Variants in MYOCD observed in about 807,000 individuals in gnomAD.
MYOCD encodes the protein myocardin.
Under a neutral mutation model 96.1 loss-of-function variants are expected in MYOCD, and 32 were observed. The ratio of observed to expected loss-of-function variants is 0.33; its 90% confidence interval spans 0.25 to 0.45. MYOCD has a LOEUF of 0.45. Ranked by LOEUF, MYOCD falls within the 20% of genes least tolerant of loss-of-function variation. The pLI is 1.00. For missense variants in MYOCD, 1,133 were observed against 1,200.6 expected (o/e 0.94, Z 0.83); for synonymous variants, 469 against 469.0 (o/e 1.00, Z 0.00).
At chr17:12,738,012 G>A (rs1453892350) in intron 6 of MYOCD, among the ~76,000 whole-genome samples, 2 of 152,110 alleles carry the variant, frequency 1.3e-5, no homozygotes, top group Non-Finnish European at 2.9e-5. Context: ...AACATCAAAC[G>A]GTGTATCAGA....
intron 9 of MYOCD, among the ~76,000 whole-genome samples, chr17:12,750,773 A>G (rs538313002): frequency 2.0e-5 from 3 of 152,318 alleles, no homozygotes; most frequent in South Asian, 4.1e-4. Flanking sequence ...ATACAAATAG[A>G]TATATATTCA....
Position 12,722,970 on chromosome 17 carries a change from T to G in MYOCD, c.377T>G (p.Ile126Ser). 3.7e-6 allele frequency: 6 copies of G among 1,614,010 alleles called. No individual in the cohort carries two copies. Among genetic ancestry groups the G allele is most frequent in the Non-Finnish European group, 5.1e-6 (6 of 1,179,978 alleles). ...CCACTGGAGCTGGTGGAAAAAAACA[T>G]TCTTCCTGTGGATTCTGCTGTGAAA... ...PGPLELVEKN[I>S]LPVDSAVKEA... The change falls in exon 5 of 14, where the codon ATT becomes AGT. Residue 126 changes from isoleucine to serine, a missense_variant. By Grantham distance (142) the Ile-to-Ser change is moderately radical. Coordinates refer to ENST00000425538, the MANE Select transcript of MYOCD (RefSeq NM_001146312.3).
intron 9 of MYOCD, among the ~76,000 whole-genome samples, chr17:12,749,676 CACAT>C (rs1231493728): frequency 4.1e-5 from 1 of 24,534 alleles, no homozygotes; most frequent in Non-Finnish European, 1.0e-4. Context: ...TATGTATATA[CACAT>C]ACATATGTGT....
At chr17:12,707,945 C>G (rs1036959740) in intron 2 of MYOCD, among the ~76,000 whole-genome samples, 15 of 147,982 alleles carry the variant, frequency 1.0e-4, no homozygotes, top group Admixed American at 2.7e-4. Flanking sequence ...ACGTCTTATG[C>G]ACTATATATA....
rs142777340 is a variant in MYOCD, at chr17:12,754,338, G to A, written c.2058+992G>A. Among the ~76,000 whole-genome samples the A allele has an allele frequency of 2.5e-3, 374 of 152,268 alleles. 1 individual carries two copies. The highest frequency in any genetic ancestry group is 4.4e-3 in the Non-Finnish European group (296 of 68,022). ...AGGCTGGTCTCTAACTCCTGACCTC[G>A]TGATCCGCCCGCCTTGGCCTCCCAA... On this transcript the variant is annotated intron_variant, in intron 10 of 13. Transcript: ENST00000425538.
At chr17:12,726,766 G>A (rs2032011950) in intron 5 of MYOCD, among the ~76,000 whole-genome samples, 1 of 152,026 alleles carries the variant, frequency 6.6e-6, no homozygotes, top group Admixed American at 6.6e-5. Context: ...ATTTTTTCAT[G>A]TTCTGGAAGC....
At chr17:12,736,414 T>C (rs986408533) in intron 6 of MYOCD, 78 bp downstream of exon 6, 46 of 1,436,044 alleles carry the variant, frequency 3.2e-5, no homozygotes, top group Non-Finnish European at 3.8e-5. Flanking sequence ...ACATCAACAC[T>C]GTTAACAGCT....
chr17:12,754,436 C>T (rs150553032), intron 10 of MYOCD, among the ~76,000 whole-genome samples: 5 of 152,262 alleles, frequency 3.3e-5, no homozygotes, highest in African/African-American at 9.6e-5. Context: ...GAGCCAGGGA[C>T]GTTTAGCAAA....
Position 12,693,323 on chromosome 17 carries a change from C to A in MYOCD, c.56-11805C>A, listed in dbSNP as rs1294505413. ...AAAACAAACAAACAAACAAAAAAAA[C>A]CATAGACCAGTCACGGTGTCTCACG... On this transcript the variant is annotated intron_variant, in intron 1 of 13. Coordinates refer to ENST00000425538, the MANE Select transcript of MYOCD (RefSeq NM_001146312.3). Among the ~76,000 whole-genome samples the A allele has an allele frequency of 4.0e-5, 6 of 151,822 alleles. No individual in the cohort carries two copies. The East Asian group carries it at 7.7e-4, about 20-fold the overall frequency.
intron 1 of MYOCD, among the ~76,000 whole-genome samples, chr17:12,698,295 G>A (rs1011270382): frequency 5.3e-5 from 8 of 152,068 alleles, no homozygotes; most frequent in African/African-American, 7.2e-5. Context: ...AGAGACTTCC[G>A]AAAATCTGAT....
intron 1 of MYOCD, among the ~76,000 whole-genome samples, chr17:12,688,435 TTTCC>T (rs1477211451): frequency 3.9e-5 from 6 of 152,110 alleles, no homozygotes; most frequent in Non-Finnish European, 8.8e-5. Context: ...TTTTCCTTCC[TTTCC>T]TTCCTTCCAT....
chr17:12,671,113 C>T (rs900175416), intron 1 of MYOCD, among the ~76,000 whole-genome samples: 3 of 152,160 alleles, frequency 2.0e-5, no homozygotes, highest in African/African-American at 7.2e-5. Flanking sequence ...TCCATAACGG[C>T]AGAAATTATT....
chr17:12,687,295 A>G (rs1305725797), intron 1 of MYOCD, among the ~76,000 whole-genome samples: 2 of 152,176 alleles, frequency 1.3e-5, no homozygotes, highest in African/African-American at 4.8e-5. Flanking sequence ...TGGAGCCCAG[A>G]GAGATGAATT....
intron 9 of MYOCD, among the ~76,000 whole-genome samples, chr17:12,749,370 A>G (rs2032760659): frequency 6.6e-6 from 1 of 151,936 alleles, no homozygotes; most frequent in South Asian, 2.1e-4. Flanking sequence ...TCTACTAAAA[A>G]TACAAAAAAT....
intron 1 of MYOCD, among the ~76,000 whole-genome samples, chr17:12,688,336 G>A (rs1461994912): frequency 6.6e-6 from 1 of 152,192 alleles, no homozygotes; most frequent in Non-Finnish European, 1.5e-5. Flanking sequence ...ACTATTTGTG[G>A]CTTCCAAATT....
chr17:12,669,476 G>T (rs1471826277), intron 1 of MYOCD, among the ~76,000 whole-genome samples: 1 of 152,134 alleles, frequency 6.6e-6, no homozygotes, highest in Non-Finnish European at 1.5e-5. Context: ...AATACAGAAT[G>T]CTCAGTTCAA....
chr17:12,697,401 C>A (rs1199488517), intron 1 of MYOCD, among the ~76,000 whole-genome samples: 8 of 131,462 alleles, frequency 6.1e-5, no homozygotes, highest in Admixed American at 2.7e-4. Flanking sequence ...CTCGCTCTGT[C>A]GCCCAGGCTG....
chr17:12,754,676 A>T (rs2032963181), intron 10 of MYOCD, among the ~76,000 whole-genome samples: 1 of 152,252 alleles, frequency 6.6e-6, no homozygotes, highest in South Asian at 2.1e-4. Flanking sequence ...CTTTATGCTC[A>T]TGAGCTGAAG....
intron 6 of MYOCD, among the ~76,000 whole-genome samples, chr17:12,738,893 A>T (rs994233354): frequency 7.3e-5 from 11 of 151,702 alleles, no homozygotes; most frequent in African/African-American, 2.7e-4. Flanking sequence ...TTTTGGAATC[A>T]TTACTTAGAA....
Sources: gnomAD v4.1 joint callset for allele counts (sites outside exome capture counted in the v4.1 genomes callset) on GRCh38, gnomAD v4.1.1 for gene constraint, MANE v1.5 for transcripts, NCBI Gene and HGNC (gene_info 2026-07-23, HGNC 2026-07-21) for gene names.